The following FBXL7 variants were observed in gnomAD, a reference collection of about 807,000 sequenced individuals.
FBXL7 encodes F-box/LRR-repeat protein 7.
A neutral mutation model predicts 38.3 loss-of-function variants in FBXL7; 12 were observed. That is an observed-to-expected ratio of 0.31 (90% CI 0.20 to 0.51). FBXL7 has a LOEUF of 0.51. Among genes scored for constraint, FBXL7 ranks in the 20% least tolerant of loss-of-function variants. FBXL7 has a pLI of 0.98. For missense variants in FBXL7, 567 were observed against 676.4 expected (o/e 0.84, Z 1.79); for synonymous variants, 297 against 300.9 (o/e 0.99, Z 0.13).
intron 2 of FBXL7, among the ~76,000 whole-genome samples, chr5:15,664,139 TG>T (rs766634590): frequency 6.6e-6 from 1 of 152,194 alleles, no homozygotes; most frequent in Non-Finnish European, 1.5e-5. Flanking sequence ...TTTTTTATAT[TG>T]GGGTTTCTCT....
At chr5:15,583,935 A>G (rs568561374) in intron 1 of FBXL7, among the ~76,000 whole-genome samples, 1 of 152,306 alleles carries the variant, frequency 6.6e-6, no homozygotes, top group East Asian at 1.9e-4. Flanking sequence ...GGCATTTCCA[A>G]ACATCCTCTG....
At chr5:15,777,997 AT>A (rs1224352902) in intron 2 of FBXL7, among the ~76,000 whole-genome samples, 1 of 152,052 alleles carries the variant, frequency 6.6e-6, no homozygotes, top group Non-Finnish European at 1.5e-5. Context: ...CAAAATATGT[AT>A]TTTGGAAAAA....
chr5:15,682,323 C>T (rs1742867436), intron 2 of FBXL7, among the ~76,000 whole-genome samples: 2 of 152,286 alleles, frequency 1.3e-5, no homozygotes, highest in African/African-American at 2.4e-5. Flanking sequence ...ATCTCAATCA[C>T]GTGACCTTAC....
At chr5:15,501,558 G>T in intron 1 of FBXL7, 3 of 985,560 alleles carry the variant, frequency 3.0e-6, no homozygotes, top group Non-Finnish European at 3.6e-6. Flanking sequence ...CTGAAGAGGA[G>T]TGGAAGAGAC....
intron 2 of FBXL7, among the ~76,000 whole-genome samples, chr5:15,731,892 C>G (rs1003499996): frequency 6.6e-6 from 1 of 152,068 alleles, no homozygotes; most frequent in Non-Finnish European, 1.5e-5. Context: ...CTACATGGAT[C>G]CTGAGTGGTG....
At chr5:15,625,123 T>G (rs1043180576) in intron 2 of FBXL7, among the ~76,000 whole-genome samples, 7 of 152,190 alleles carry the variant, frequency 4.6e-5, no homozygotes, top group Admixed American at 4.6e-4. Context: ...TCAGACATTC[T>G]GTTATAGCAA....
At chr5:15,847,239 G>T (rs1394818960) in intron 2 of FBXL7, among the ~76,000 whole-genome samples, 1 of 152,134 alleles carries the variant, frequency 6.6e-6, no homozygotes, top group Non-Finnish European at 1.5e-5. Flanking sequence ...CAACATGGCT[G>T]AGGAGGCCTC....
intron 2 of FBXL7, among the ~76,000 whole-genome samples, chr5:15,639,165 A>G (rs1741277464): frequency 6.6e-6 from 1 of 152,210 alleles, no homozygotes; most frequent in Non-Finnish European, 1.5e-5. Flanking sequence ...CCCAAATTGC[A>G]TAGTACACCT....
At chr5:15,799,455 G>A (rs771838471) in intron 2 of FBXL7, among the ~76,000 whole-genome samples, 3 of 140,798 alleles carry the variant, frequency 2.1e-5, no homozygotes, top group Non-Finnish European at 4.5e-5. Context: ...TCCGCCTCCT[G>A]GATTCAAGTG....
chr5:15,618,127 C>T (rs187727955), intron 2 of FBXL7, among the ~76,000 whole-genome samples: 244 of 152,094 alleles, frequency 1.6e-3, no homozygotes, highest in African/African-American at 5.7e-3. Context: ...TTTTCTTGTG[C>T]CTTTCCCTTA....
At chr5:15,550,083 G>C (rs1738018988) in intron 1 of FBXL7, among the ~76,000 whole-genome samples, 1 of 152,156 alleles carries the variant, frequency 6.6e-6, no homozygotes, top group African/African-American at 2.4e-5. Context: ...AGAGAATATT[G>C]GCTAACTATG....
intron 2 of FBXL7, among the ~76,000 whole-genome samples, chr5:15,830,942 TC>T (rs557312893): frequency 1.2e-4 from 18 of 152,194 alleles, no homozygotes; most frequent in African/African-American, 4.3e-4. Flanking sequence ...GAGTCTAGTT[TC>T]CTCCAATTAT....
At chr5:15,753,525 T>G (rs1055892029) in intron 2 of FBXL7, among the ~76,000 whole-genome samples, 1 of 152,168 alleles carries the variant, frequency 6.6e-6, no homozygotes, top group Non-Finnish European at 1.5e-5. Context: ...TTATTTTAAT[T>G]GGGAGAGAAG....
intron 1 of FBXL7, among the ~76,000 whole-genome samples, chr5:15,509,606 C>CCAA (rs929110996): frequency 3.3e-5 from 5 of 152,144 alleles, no homozygotes; most frequent in South Asian, 4.1e-4. Context: ...AACCCCAAAA[C>CCAA]CAACAACAAC....
chr5:15,698,369 T>C (rs1353752076), intron 2 of FBXL7, among the ~76,000 whole-genome samples: 2 of 152,198 alleles, frequency 1.3e-5, no homozygotes, highest in South Asian at 2.1e-4. Context: ...TGGAGGGGCA[T>C]GTTGACAAAA....
chr5:15,682,815 G>C (rs1241247889), intron 2 of FBXL7, among the ~76,000 whole-genome samples: 1 of 152,182 alleles, frequency 6.6e-6, no homozygotes. Flanking sequence ...GGCTTCTGAA[G>C]TATTTATGTC....
chr5:15,788,637 C>T (rs776613064), intron 2 of FBXL7, among the ~76,000 whole-genome samples: 5 of 152,090 alleles, frequency 3.3e-5, no homozygotes, highest in African/African-American at 9.7e-5. Flanking sequence ...ATCACTCTCC[C>T]CATTCTGTAC....
At chr5:15,874,383 T>C (rs1273426597) in intron 2 of FBXL7, among the ~76,000 whole-genome samples, 1 of 152,118 alleles carries the variant, frequency 6.6e-6, no homozygotes, top group Non-Finnish European at 1.5e-5. Context: ...CTCTCACCAC[T>C]CCTATTCAAC....
chr5:15,525,517 C>T (rs1737227361), intron 1 of FBXL7, among the ~76,000 whole-genome samples: 1 of 152,004 alleles, frequency 6.6e-6, no homozygotes, highest in Non-Finnish European at 1.5e-5. Flanking sequence ...CACGGGTACA[C>T]AAGTTAAGTG....
Sources: allele counts gnomAD v4.1 joint callset (sites outside exome capture counted in the v4.1 genomes callset), GRCh38; gene constraint gnomAD v4.1.1; transcripts MANE v1.5; gene names NCBI Gene and HGNC (gene_info 2026-07-23, HGNC 2026-07-21).